Variants in ZZZ3 observed in about 807,000 individuals in gnomAD.
ZZZ3 encodes the protein zinc finger ZZ-type containing 3, also known as ZZ-type zinc finger-containing protein 3.
In ZZZ3, 22 loss-of-function variants were observed where a neutral mutation model predicts 95.2. The observed-to-expected ratio is 0.23, with a 90% CI of 0.17 to 0.33. ZZZ3 has a LOEUF of 0.33. Among genes scored for constraint, ZZZ3 ranks in the 10% least tolerant of loss-of-function variants. The pLI, the probability that ZZZ3 is intolerant of heterozygous loss-of-function variation, is 1.00. For synonymous variants in ZZZ3, 335 were observed against 358.9 expected, an observed-to-expected ratio of 0.93 and a Z score of 0.75; for missense variants, 885 against 1,066.5, an observed-to-expected ratio of 0.83 and a Z score of 2.37.
chr1:77,647,374 C>G (rs1429667959), intron 1 of ZZZ3, among the ~76,000 whole-genome samples: 1 of 152,042 alleles, frequency 6.6e-6, no homozygotes, highest in Non-Finnish European at 1.5e-5. Context: ...CAAAAATTAG[C>G]AGGGCATGGT....
chr1:77,640,885 T>C (rs541838310), intron 3 of ZZZ3: 8 of 152,300 alleles, frequency 5.3e-5, no homozygotes, highest in Non-Finnish European at 1.0e-4. Context: ...AGAATAGGGA[T>C]AGTAATATCT....
At chr1:77,567,465 T>C (rs1660936206) in intron 13 of ZZZ3, among the ~76,000 whole-genome samples, 1 of 152,208 alleles carries the variant, frequency 6.6e-6, no homozygotes. Flanking sequence ...AATGATTCTT[T>C]CCAAAACGTA....
chr1:77,635,899 C>T (rs11162374), intron 4 of ZZZ3, among the ~76,000 whole-genome samples: 87,407 of 151,196 alleles, frequency 0.58, 27,452 homozygotes, highest in Non-Finnish European at 0.71. Context: ...GAGCGAGACT[C>T]TGTCTCAAAA....
intron 5 of ZZZ3, among the ~76,000 whole-genome samples, chr1:77,606,432 G>T (rs1055852739): frequency 1.3e-5 from 2 of 152,202 alleles, no homozygotes; most frequent in African/African-American, 4.8e-5. Context: ...CTGAAGGGAA[G>T]GACACAAGCC....
chr1:77,649,792 G>A (rs745996743), intron 1 of ZZZ3, among the ~76,000 whole-genome samples: 4 of 151,468 alleles, frequency 2.6e-5, no homozygotes, highest in Non-Finnish European at 5.9e-5. Context: ...TGAGGCAGGA[G>A]AATCGCTTGA....
At chr1:77,587,293 C>T (rs148982502) in intron 5 of ZZZ3, among the ~76,000 whole-genome samples, 2,035 of 134,442 alleles carry the variant, frequency 0.015, 62 homozygotes, top group African/African-American at 0.053. Flanking sequence ...GACAGAGTCT[C>T]GCTCTGTTGC....
rs530239367 is a variant in ZZZ3, at chr1:77,643,072, C to T, written c.-402-1417G>A. 1.9e-3 allele frequency among the ~76,000 whole-genome samples: 285 copies of T among 151,966 alleles called. 4 individuals carry two copies. The highest frequency in any genetic ancestry group is 6.6e-3 in the African/African-American group (273 of 41,452). Reference sequence around the variant, plus strand: ...ACAAAAAAATAGAAAAAGGTAGCCACATGTGGTGGTGTGCGCCTGTAATCC... The same window carrying T: ...ACAAAAAAATAGAAAAAGGTAGCCATATGTGGTGGTGTGCGCCTGTAATCC... On this transcript the variant is annotated intron_variant, in intron 1 of 14. Transcript: ENST00000370801.
intron 1 of ZZZ3, among the ~76,000 whole-genome samples, chr1:77,674,332 A>G (rs987084650): frequency 2.0e-5 from 3 of 152,222 alleles, no homozygotes; most frequent in East Asian, 1.9e-4. Context: ...CAAACATAAC[A>G]TTGAGCAAAA....
At chr1:77,658,270 A>C (rs928264960) in intron 1 of ZZZ3, among the ~76,000 whole-genome samples, 2 of 151,958 alleles carry the variant, frequency 1.3e-5, no homozygotes, top group Non-Finnish European at 2.9e-5. Flanking sequence ...GAATTCACAC[A>C]ACACACACTT....
intron 4 of ZZZ3, among the ~76,000 whole-genome samples, chr1:77,638,766 GA>G (rs1668514272): frequency 6.6e-6 from 1 of 152,180 alleles, no homozygotes; most frequent in African/African-American, 2.4e-5. Flanking sequence ...AATGCAACTG[GA>G]AAGTGTAACC....
chr1:77,662,042 G>T (rs1258344909), intron 1 of ZZZ3, among the ~76,000 whole-genome samples: 2 of 150,028 alleles, frequency 1.3e-5, no homozygotes, highest in Non-Finnish European at 3.0e-5. Flanking sequence ...TTTGGATGGA[G>T]TTTTGCTCTG....
At chr1:77,654,513 A>T (rs1389885329) in intron 1 of ZZZ3, among the ~76,000 whole-genome samples, 2 of 152,212 alleles carry the variant, frequency 1.3e-5, no homozygotes, top group Non-Finnish European at 2.9e-5. Context: ...TATTTTTAAA[A>T]TAATACACCA....
intron 1 of ZZZ3, among the ~76,000 whole-genome samples, chr1:77,644,834 A>G (rs916568331): frequency 6.6e-6 from 1 of 152,164 alleles, no homozygotes; most frequent in Non-Finnish European, 1.5e-5. Context: ...AAATGCATAA[A>G]TTTTCATTTT....
chr1:77,666,362 G>A (rs1671250813), intron 1 of ZZZ3, among the ~76,000 whole-genome samples: 1 of 152,002 alleles, frequency 6.6e-6, no homozygotes, highest in African/African-American at 2.4e-5. Context: ...GTGAAACCCT[G>A]CCTCTACTAA....
chr1:77,590,041 G>A (rs1055247457), intron 5 of ZZZ3, among the ~76,000 whole-genome samples: 1 of 152,064 alleles, frequency 6.6e-6, no homozygotes, highest in African/African-American at 2.4e-5. Flanking sequence ...CAAAATATCA[G>A]CCTGATTCTT....
At chr1:77,631,137 G>A (rs769794084) in intron 5 of ZZZ3, among the ~76,000 whole-genome samples, 1 of 152,132 alleles carries the variant, frequency 6.6e-6, no homozygotes, top group Non-Finnish European at 1.5e-5. Flanking sequence ...AAGAAATATT[G>A]TGAAAAATTT....
At chr1:77,594,921 C>CAAAAAAA (rs371690201) in intron 5 of ZZZ3, among the ~76,000 whole-genome samples, 55 of 80,700 alleles carry the variant, frequency 6.8e-4, no homozygotes, top group African/African-American at 2.4e-3. Flanking sequence ...TTGACAGGCC[C>CAAAAAAA]AAAAAAAAAA....
intron 5 of ZZZ3, among the ~76,000 whole-genome samples, chr1:77,597,811 G>C (rs911113877): frequency 1.3e-5 from 2 of 151,974 alleles, no homozygotes; most frequent in Admixed American, 1.3e-4. Flanking sequence ...TATCCTACAT[G>C]GGATTCTGGA....
In ZZZ3 at chr1:77,566,123, G is replaced by T. The variant is rs947684521; in HGVS notation, c.2525C>A (p.Pro842His). ...ACAGAAATCCAAAGACATTTCTGGA[G>T]GACAATCCTGGCAATGCCACCGAAC... ...QGVRWHCQDC[P>H]PEMSLDFCDS... The change falls in exon 14 of 15, where the codon CCT becomes CAT. Residue 842 changes from proline (P) to histidine (H), a missense_variant. Physicochemically the swap from Pro to His is moderately conservative, Grantham distance 77 (BLOSUM62 -2). Around this residue, in one of 5 missense-constraint regions of ZZZ3, gnomAD observed 221 missense variants for 247.8 expected, o/e 0.89. Coordinates refer to ENST00000370801, the MANE Select transcript of ZZZ3 (RefSeq NM_015534.6). 2 of 1,613,254 alleles carry T rather than the reference G, an allele frequency of 1.2e-6. No individual in the cohort carries two copies. Among genetic ancestry groups the T allele is most frequent in the South Asian group, 2.2e-5 (2 of 90,940 alleles).
Sources: allele counts gnomAD v4.1 joint callset (sites outside exome capture counted in the v4.1 genomes callset), GRCh38; gene constraint gnomAD v4.1.1; regional missense constraint gnomAD v4.1.1; transcripts MANE v1.5; gene names NCBI Gene and HGNC (gene_info 2026-07-23, HGNC 2026-07-21).